The following GRIK4 variants were observed in gnomAD, a reference collection of about 807,000 sequenced individuals.
The protein encoded by GRIK4 is glutamate receptor ionotropic, kainate 4.
A neutral mutation model predicts 104.9 loss-of-function variants in GRIK4; 40 were observed. The ratio of observed to expected loss-of-function variants is 0.38; its 90% CI spans 0.30 to 0.50. The LOEUF is 0.50. Ranked by LOEUF, GRIK4 falls within the 20% of genes least tolerant of loss-of-function variation. The pLI, the probability that GRIK4 is intolerant of heterozygous loss-of-function variation, is 0.93. For missense variants in GRIK4, 1,047 were observed against 1,308.1 expected (o/e 0.80, Z 3.08); for synonymous variants, 485 against 524.9 (o/e 0.92, Z 1.04).
chr11:120,523,307 A>T (rs1297701748), intron 1 of GRIK4, among the ~76,000 whole-genome samples: 1 of 151,874 alleles, frequency 6.6e-6, no homozygotes, highest in Admixed American at 6.6e-5. Flanking sequence ...AAACAAAGCA[A>T]TCGGGCTGTC....
rs79996205 is a variant in GRIK4, at chr11:120,590,424, T to A, written c.-158-63261T>A. Among the ~76,000 whole-genome samples the A allele has an allele frequency of 1.4e-4, 22 of 152,318 alleles. No individual in the cohort carries two copies. The East Asian group carries it at 4.2e-3, about 29-fold the overall frequency. On this transcript the variant is annotated intron_variant, in intron 1 of 20. Coordinates refer to ENST00000527524, the MANE Select transcript of GRIK4 (RefSeq NM_014619.5). ...TGGAACTAGCACTTGGCCTTACATGTTAGTCTGGTGGCCTGGGTCTGCAGC... is the reference window on the plus strand; with the variant it reads ...TGGAACTAGCACTTGGCCTTACATGATAGTCTGGTGGCCTGGGTCTGCAGC...
chr11:120,523,359 C>G (rs987216635), intron 1 of GRIK4, among the ~76,000 whole-genome samples: 1 of 151,898 alleles, frequency 6.6e-6, no homozygotes, highest in Non-Finnish European at 1.5e-5. Context: ...TTCTCCTGCA[C>G]GGAGCTGTGG....
At chr11:120,515,916 G>C (rs1242807059) in intron 1 of GRIK4, among the ~76,000 whole-genome samples, 2 of 152,150 alleles carry the variant, frequency 1.3e-5, no homozygotes, top group Admixed American at 1.3e-4. Flanking sequence ...CCAGCTACCC[G>C]GCGAGTTAGC....
chr11:120,606,630 C>T (rs1265426528), intron 1 of GRIK4, among the ~76,000 whole-genome samples: 4 of 152,184 alleles, frequency 2.6e-5, no homozygotes, highest in Admixed American at 6.5e-5. Flanking sequence ...GGGGATTTTA[C>T]GATGGAAAGC....
chr11:120,604,879 T>G (rs1225495052), intron 1 of GRIK4, among the ~76,000 whole-genome samples: 1 of 152,214 alleles, frequency 6.6e-6, no homozygotes, highest in Non-Finnish European at 1.5e-5. Flanking sequence ...ATATATGTAT[T>G]TGAGACAGGG....
At chr11:120,571,380 C>T (rs1365016150) in intron 1 of GRIK4, among the ~76,000 whole-genome samples, 2 of 152,194 alleles carry the variant, frequency 1.3e-5, no homozygotes, top group African/African-American at 2.4e-5. Flanking sequence ...GCACAGCAGT[C>T]TCTTTTCCCC....
At chr11:120,915,276 A>C (rs761387688) in intron 13 of GRIK4, among the ~76,000 whole-genome samples, 2 of 151,748 alleles carry the variant, frequency 1.3e-5, no homozygotes, top group Non-Finnish European at 2.9e-5. Context: ...ATGTTCATGC[A>C]CTCTCTCCAC....
rs1942785504 is a variant in GRIK4 at position 120,903,304 on chromosome 11, C to T, written c.1273-1986C>T. ...TCCCTGTCGCATCCCCTGAGCGGCT[C>T]TGCTGAAAATCTTCCCACACACCAA... On this transcript the variant is annotated intron_variant, in intron 12 of 20. Coordinates refer to ENST00000527524, the MANE Select transcript of GRIK4 (RefSeq NM_014619.5). The surrounding 1 kb of genome is among the most constrained non-coding windows in gnomAD (Gnocchi z 4.4). Among the ~76,000 whole-genome samples, 1 of 152,114 alleles carries T rather than the reference C, an allele frequency of 6.6e-6. No homozygotes were observed. The highest frequency in any genetic ancestry group is 1.5e-5 in the Non-Finnish European group (1 of 68,022).
chr11:120,889,588 C>CTTTTTTTTTTTTTTTTTTTTTT lies in GRIK4; in HGVS notation c.1165-8944_1165-8943insTTTTTTTTTTTTTTTTTTTTTT, dbSNP rs776440015. 6.0e-5 allele frequency among the ~76,000 whole-genome samples: 4 copies of CTTTTTTTTTTTTTTTTTTTTTT among 67,148 alleles called. 1 individual carries two copies. The highest frequency in any genetic ancestry group is 2.1e-4 in the African/African-American group (4 of 18,864). The allele number at this position is 67,148 out of a possible 152,430, so 44.1% of individuals were successfully genotyped here. A position where few individuals can be genotyped will look rare whatever the true frequency, so the allele number is the denominator to read the frequency against. On this transcript the variant is annotated intron_variant, in intron 11 of 20. Transcript: ENST00000527524. ...AATAGAATAAAATAGAAAGAGCTTA[C>CTTTTTTTTTTTTTTTTTTTTTT]ATTTTTTTTTTTTTTTTTTTTTTTT...
chr11:120,619,683 T>C (rs1418243852), intron 1 of GRIK4, among the ~76,000 whole-genome samples: 1 of 152,048 alleles, frequency 6.6e-6, no homozygotes, highest in Non-Finnish European at 1.5e-5. Context: ...TGTTTAAAAG[T>C]GTGTGGCACC....
intron 4 of GRIK4, among the ~76,000 whole-genome samples, chr11:120,809,108 G>A (rs1419046660): frequency 6.6e-6 from 1 of 152,152 alleles, no homozygotes; most frequent in Non-Finnish European, 1.5e-5. Context: ...CTCTCTGTCC[G>A]GAGGAGGGAC....
intron 1 of GRIK4, among the ~76,000 whole-genome samples, chr11:120,526,724 TG>T (rs1293398881): frequency 6.6e-6 from 1 of 152,100 alleles, no homozygotes; most frequent in Non-Finnish European, 1.5e-5. Flanking sequence ...CCAAGCTATT[TG>T]GGAGGCTGAG....
chr11:120,780,421 A>G (rs1185413368), intron 3 of GRIK4, among the ~76,000 whole-genome samples: 4 of 152,234 alleles, frequency 2.6e-5, no homozygotes, highest in Admixed American at 6.5e-5. Flanking sequence ...TTCACTTAGC[A>G]TAATGTTTAC....
intron 8 of GRIK4, among the ~76,000 whole-genome samples, chr11:120,841,809 C>T (rs1953723344): frequency 6.6e-6 from 1 of 152,154 alleles, no homozygotes; most frequent in African/African-American, 2.4e-5. Flanking sequence ...ATAGCCATCT[C>T]GATGGGTGTC....
At chr11:120,834,864 C>T (rs973094162) in intron 7 of GRIK4, among the ~76,000 whole-genome samples, 1 of 152,230 alleles carries the variant, frequency 6.6e-6, no homozygotes, top group Non-Finnish European at 1.5e-5. Context: ...TTTAGCTCCC[C>T]ACTGTGACCC....
rs1439660528 is a variant in GRIK4, at chr11:120,956,578, A to AT, written c.1701-202_1701-201insT. ...AAAAATGTCTCTTTGATTAAAAAAA[A>AT]GTTTGAGAACCATCAACCCAGTTCA... On this transcript the variant is annotated intron_variant, in intron 15 of 20. Transcript: ENST00000527524. This position sits in a 1 kb window ranked among gnomAD's most constrained non-coding sequence, Gnocchi z 4.6. Among the ~76,000 whole-genome samples, 3 of 152,134 alleles carry AT rather than the reference A, an allele frequency of 2.0e-5. No individual in the cohort carries two copies. Among genetic ancestry groups the AT allele is most frequent in the Non-Finnish European group, 4.4e-5 (3 of 68,024 alleles).
chr11:120,743,672 T>C (rs563944147), intron 3 of GRIK4, among the ~76,000 whole-genome samples: 5 of 152,344 alleles, frequency 3.3e-5, no homozygotes, highest in Non-Finnish European at 5.9e-5. Flanking sequence ...TGCCCATTAC[T>C]GCCTGGGGTA....
chr11:120,712,997 G>C (rs1950765436), intron 3 of GRIK4, among the ~76,000 whole-genome samples: 2 of 152,190 alleles, frequency 1.3e-5, no homozygotes, highest in South Asian at 4.1e-4. Context: ...GCGTGAGCCT[G>C]GCTGGAGTGG....
intron 4 of GRIK4, among the ~76,000 whole-genome samples, chr11:120,810,750 A>T (rs530185551): frequency 6.6e-6 from 1 of 152,354 alleles, no homozygotes; most frequent in African/African-American, 2.4e-5. Flanking sequence ...ATGCTTCTTC[A>T]TTAATGTATT....
Sources: allele counts gnomAD v4.1 joint callset (sites outside exome capture counted in the v4.1 genomes callset), GRCh38; gene constraint gnomAD v4.1.1; non-coding constraint Gnocchi (gnomAD v3.1); transcripts MANE v1.5; gene names NCBI Gene and HGNC (gene_info 2026-07-23, HGNC 2026-07-21).